The following C5orf47 variants were observed in gnomAD, a reference collection of about 807,000 sequenced individuals.
C5orf47 encodes uncharacterized protein C5orf47.
In C5orf47, 20 loss-of-function variants were observed where a neutral mutation model predicts 20.6. That is an observed-to-expected ratio of 0.97 (90% CI 0.68 to 1.41). The LOEUF is 1.41. Ranked by LOEUF, C5orf47 falls within the 40% of genes most tolerant of loss-of-function variation. C5orf47 has a pLI of 0.00. For synonymous variants in C5orf47, 106 were observed against 97.3 expected (o/e 1.09, Z -0.53); for missense variants, 262 against 238.4 (o/e 1.10, Z -0.65).
At chr5:173,993,142 T>C (rs555176915) in intron 1 of C5orf47, among the ~76,000 whole-genome samples, 1 of 152,334 alleles carries the variant, frequency 6.6e-6, no homozygotes, top group South Asian at 2.1e-4. Context: ...GTAGTATTTC[T>C]AGTTTCTCTT....
chr5:174,007,620 C>T (rs138206558), downstream of C5orf47, among the ~76,000 whole-genome samples: 140 of 146,304 alleles, frequency 9.6e-4, no homozygotes, highest in African/African-American at 3.6e-3. Flanking sequence ...TGCAGTGATG[C>T]GATCTTGGCT....
intron 1 of C5orf47, among the ~76,000 whole-genome samples, chr5:173,993,315 C>T (rs1177255455): frequency 1.3e-5 from 2 of 152,066 alleles, no homozygotes; most frequent in Non-Finnish European, 2.9e-5. Context: ...TCTTAAGCTA[C>T]CCAGAAGCCC....
At chr5:173,989,704 A>G in intron 1 of C5orf47, 116 bp downstream of exon 1, 2 of 988,666 alleles carry the variant, frequency 2.0e-6, no homozygotes, top group Non-Finnish European at 2.7e-6. Flanking sequence ...CTTTCCTGTC[A>G]GGCCGTGTTG....
At position 173,998,201 on chromosome 5, in the gene C5orf47, T is replaced by A. The variant is rs545267161; in HGVS notation, c.374T>A (p.Leu125Ter). 1 of 1,542,082 alleles carries A rather than the reference T, an allele frequency of 6.5e-7. No homozygotes were observed. Among genetic ancestry groups the A allele is most frequent in the Admixed American group, 2.0e-5 (1 of 49,212 alleles). Residue 125 changes from leucine (L) to a stop codon, truncating the protein, a stop_gained, in exon 2 of 5, where the codon TTG becomes TAG. Coordinates refer to ENST00000340147, the MANE Select transcript of C5orf47 (RefSeq NM_001144954.2). LOFTEE classifies it high-confidence loss of function. Reference sequence around the variant, plus strand: ...AAAAAGTATGATTTTCCCATACCATTGAATGAAGCTTCCAAAATAATGAAG... The same window carrying A: ...AAAAAGTATGATTTTCCCATACCATAGAATGAAGCTTCCAAAATAATGAAG... Reference protein sequence around the residue: ...AAKKYDFPIPLNEASKIMKKK... With the variant: ...AAKKYDFPIP
intron 1 of C5orf47, among the ~76,000 whole-genome samples, chr5:173,990,979 C>T (rs1477389759): frequency 6.6e-6 from 1 of 152,150 alleles, no homozygotes; most frequent in East Asian, 1.9e-4. Flanking sequence ...TTTTTAACCC[C>T]AAGAGAACCC....
In C5orf47 at chr5:173,989,584, T is replaced by A; in HGVS notation, c.321T>A (p.Arg107=). Residue 107 remains arginine (R), a synonymous_variant, in exon 1 of 5, where the codon CGT becomes CGA. Coordinates refer to ENST00000340147, the MANE Select transcript of C5orf47 (RefSeq NM_001144954.2). ...RVQSGTRQSA[R]AGLIQKDAAK... Reference sequence around the variant, plus strand: ...AGAGCGGCACCAGACAGTCGGCGCGTGCAGGTGGTGCAGCGGGGCAGGGCG... The same window carrying A: ...AGAGCGGCACCAGACAGTCGGCGCGAGCAGGTGGTGCAGCGGGGCAGGGCG... 1.4e-6 allele frequency: 2 copies of A among 1,440,602 alleles called. No homozygotes were observed. Among genetic ancestry groups the A allele is most frequent in the Non-Finnish European group, 9.1e-7 (1 of 1,097,584 alleles). 89.2% of individuals were successfully genotyped at this position (1,440,602 alleles called of 1,614,324 possible). A position where few individuals can be genotyped will look rare whatever the true frequency, so the allele number is the denominator to read the frequency against.
Position 173,989,479 on chromosome 5 carries a change from T to A in C5orf47, c.216T>A (p.Gly72=). ...AGGGTGGCAGCGAGCTGCCCCTCGG[T>A]TCCCAGCTCAGGGTCCCCACGACCC... The part of the protein sequence containing the change: ...GVQGGSELPL[G]SQLRVPTTPG... The change falls in exon 1 of 5, where the codon GGT becomes GGA. Residue 72 remains glycine (G), a synonymous_variant. Transcript: ENST00000340147. 1 of 1,548,344 alleles carries A rather than the reference T, an allele frequency of 6.5e-7. No individual in the cohort carries two copies. The highest frequency in any genetic ancestry group is 1.2e-5 in the South Asian group (1 of 83,598).
intron 4 of C5orf47, among the ~76,000 whole-genome samples, chr5:174,001,549 G>A (rs1759197218): frequency 6.6e-6 from 1 of 151,932 alleles, no homozygotes; most frequent in South Asian, 2.1e-4. Flanking sequence ...TCTGAGGGCA[G>A]AATCTTCTTC....
chr5:173,994,147 C>T (rs1759046537), intron 1 of C5orf47, among the ~76,000 whole-genome samples: 7 of 152,124 alleles, frequency 4.6e-5, no homozygotes, highest in Admixed American at 2.0e-4. Flanking sequence ...ACTTTTGAAG[C>T]GTTGGTTGTG....
chr5:174,001,466 A>G (rs892674144), intron 4 of C5orf47, among the ~76,000 whole-genome samples: 6 of 151,736 alleles, frequency 4.0e-5, no homozygotes, highest in Non-Finnish European at 7.4e-5. Flanking sequence ...TCTGTACTCC[A>G]TGTTTTTCCT....
intron 4 of C5orf47, among the ~76,000 whole-genome samples, chr5:174,002,545 T>C (rs1457211373): frequency 6.6e-6 from 1 of 152,106 alleles, no homozygotes; most frequent in Non-Finnish European, 1.5e-5. Flanking sequence ...GTATATTGTT[T>C]ACTAAGATTT....
chr5:174,001,366 T>G, intron 4 of C5orf47, 135 bp downstream of exon 4: 1 of 598,286 alleles, frequency 1.7e-6, no homozygotes, highest in South Asian at 2.4e-5. Flanking sequence ...AATACAGTGT[T>G]TGGCACATAG....
intron 1 of C5orf47, among the ~76,000 whole-genome samples, chr5:173,991,333 C>T (rs909347279): frequency 8.6e-5 from 13 of 151,992 alleles, no homozygotes; most frequent in African/African-American, 2.9e-4. Context: ...TTTGCTGATA[C>T]CTCAAGGGCA....
downstream of C5orf47, among the ~76,000 whole-genome samples, chr5:174,008,822 CAAAAAA>C (rs57488841): frequency 2.7e-5 from 2 of 75,452 alleles, no homozygotes; most frequent in African/African-American, 3.9e-5. Context: ...GACTCCATCT[CAAAAAA>C]AAAAAAAAAA....
Position 173,991,770 on chromosome 5 carries a change from T to G in C5orf47, c.325+2182T>G, listed in dbSNP as rs191238425. Among the ~76,000 whole-genome samples, 6 of 152,324 alleles carry G rather than the reference T, an allele frequency of 3.9e-5. No homozygotes were observed. In the East Asian group the frequency reaches 1.2e-3, roughly 29 times the overall value. On this transcript the variant is annotated intron_variant, in intron 1 of 4. Coordinates refer to ENST00000340147, the MANE Select transcript of C5orf47 (RefSeq NM_001144954.2). ...CAGGAGAGATAGTGATCTTTAGTTT[T>G]TCTTTGTACTCCTTTATCTGGTTTA...
chr5:173,995,329 G>A (rs762216277), intron 1 of C5orf47, among the ~76,000 whole-genome samples: 23 of 152,208 alleles, frequency 1.5e-4, no homozygotes, highest in Non-Finnish European at 4.4e-5. Flanking sequence ...AGTGTTGTAA[G>A]AGTGAGCTGA....
chr5:173,999,087 A>G (rs915974628), intron 2 of C5orf47, among the ~76,000 whole-genome samples: 1 of 152,138 alleles, frequency 6.6e-6, no homozygotes. Context: ...ATATGTATTA[A>G]ATATTTTTTC....
intron 4 of C5orf47, among the ~76,000 whole-genome samples, chr5:174,003,660 G>A (rs766347771): frequency 2.0e-5 from 3 of 152,068 alleles, no homozygotes; most frequent in Admixed American, 6.6e-5. Context: ...GACTGAGTAC[G>A]GAGTATCAGG....
chr5:173,999,231 G>A lies in C5orf47; in HGVS notation c.412-469G>A, dbSNP rs543843713. ...TTGATTCTATAATCCTTGTTCTTTC[G>A]ATTCCAGTATATTTATGTTCTCTAG... On this transcript the variant is annotated intron_variant, in intron 2 of 4. Transcript: ENST00000340147. Among the ~76,000 whole-genome samples, 14 of 152,164 alleles carry A rather than the reference G, an allele frequency of 9.2e-5. No individual in the cohort carries two copies. In the South Asian group the frequency reaches 2.5e-3, roughly 27 times the overall value.
Sources: allele counts gnomAD v4.1 joint callset (sites outside exome capture counted in the v4.1 genomes callset), GRCh38; gene constraint gnomAD v4.1.1; transcripts MANE v1.5; gene names NCBI Gene and HGNC (gene_info 2026-07-23, HGNC 2026-07-21).